GPHN: variants seen among roughly 807,000 people sequenced by gnomAD.
The protein encoded by GPHN is gephyrin.
GPHN carries 17 observed loss-of-function variants against 95.5 expected under a neutral mutation model. The observed-to-expected ratio is 0.18, with a 90% CI of 0.12 to 0.27. GPHN has a LOEUF of 0.27. Ranked by LOEUF, GPHN falls within the 10% of genes least tolerant of loss-of-function variation. GPHN has a pLI of 1.00. For missense variants in GPHN, 660 were observed against 978.1 expected (o/e 0.67, Z 4.34); for synonymous variants, 320 against 322.5 (o/e 0.99, Z 0.08).
the GPHN span, among the ~76,000 whole-genome samples, chr14:67,513,956 C>G: frequency 6.6e-6 from 1 of 152,136 alleles, no homozygotes; most frequent in Admixed American, 6.5e-5. Flanking sequence ...CTGTACCACC[C>G]CCAAGGCAGG....
At chr14:67,088,232 G>T (rs536410243) in intron 11 of GPHN, among the ~76,000 whole-genome samples, 175 of 152,004 alleles carry the variant, frequency 1.2e-3, no homozygotes, top group African/African-American at 4.0e-3. Context: ...TGTAGAAAAC[G>T]TGGAAATTTT....
At chr14:66,978,287 ACCC>A (rs2070400442) in intron 9 of GPHN, among the ~76,000 whole-genome samples, 1 of 152,062 alleles carries the variant, frequency 6.6e-6, no homozygotes, top group Non-Finnish European at 1.5e-5. Context: ...AGATCGATTG[ACCC>A]TTCCTTTCAC....
At chr14:66,962,459 C>T (rs1362502741) in intron 8 of GPHN, among the ~76,000 whole-genome samples, 2 of 151,660 alleles carry the variant, frequency 1.3e-5, no homozygotes, top group Non-Finnish European at 3.0e-5. Flanking sequence ...CCTTACCCAT[C>T]ATTTTCATTC....
intron 1 of GPHN, among the ~76,000 whole-genome samples, chr14:66,615,199 T>C (rs2062954835): frequency 6.6e-6 from 1 of 152,232 alleles, no homozygotes; most frequent in African/African-American, 2.4e-5. Flanking sequence ...TATAGTAGAA[T>C]GATTTATAAT....
At chr14:66,929,758 C>T (rs2066681023) in intron 8 of GPHN, among the ~76,000 whole-genome samples, 1 of 151,504 alleles carries the variant, frequency 6.6e-6, no homozygotes, top group Admixed American at 6.6e-5. Context: ...TTCGCCCAGG[C>T]CGGACTGCAG....
chr14:67,518,111 T>C, the GPHN span, among the ~76,000 whole-genome samples: 2 of 152,160 alleles, frequency 1.3e-5, no homozygotes, highest in Non-Finnish European at 2.9e-5. Flanking sequence ...GTGATTCAAG[T>C]ACAGGGTGAA....
At chr14:66,984,882 ACATTAGTTCT>A (rs1480235520) in intron 9 of GPHN, among the ~76,000 whole-genome samples, 1 of 151,934 alleles carries the variant, frequency 6.6e-6, no homozygotes, top group Non-Finnish European at 1.5e-5. Flanking sequence ...TTTATCCAAA[ACATTAGTTCT>A]CATTAGAGCT....
At chr14:66,657,742 C>G (rs976341854) in intron 1 of GPHN, among the ~76,000 whole-genome samples, 1 of 152,118 alleles carries the variant, frequency 6.6e-6, no homozygotes, top group African/African-American at 2.4e-5. Context: ...TTGAGACCTA[C>G]TGCTCAGAAA....
At chr14:67,318,521 C>T in the GPHN span, among the ~76,000 whole-genome samples, 5 of 152,286 alleles carry the variant, frequency 3.3e-5, no homozygotes, top group Non-Finnish European at 7.3e-5. Flanking sequence ...TATGGATATA[C>T]ACACTGAGTC....
chr14:66,647,544 G>A (rs2064822696), intron 1 of GPHN, among the ~76,000 whole-genome samples: 1 of 151,760 alleles, frequency 6.6e-6, no homozygotes, highest in Non-Finnish European at 1.5e-5. Flanking sequence ...AGATGTTACT[G>A]AGCCCTGTAT....
At chr14:67,436,011 A>G in the GPHN span, among the ~76,000 whole-genome samples, 1 of 152,230 alleles carries the variant, frequency 6.6e-6, no homozygotes, top group East Asian at 1.9e-4. Context: ...TGCTAAAGCA[A>G]TTGTGAGCTT....
intron 3 of GPHN, among the ~76,000 whole-genome samples, chr14:66,804,112 G>A (rs2060458756): frequency 6.6e-6 from 1 of 152,030 alleles, no homozygotes; most frequent in Non-Finnish European, 1.5e-5. Flanking sequence ...ATTGGCCATA[G>A]GTGACTTAAT....
intron 5 of GPHN, among the ~76,000 whole-genome samples, chr14:66,911,020 C>A (rs886525458): frequency 4.0e-5 from 6 of 151,878 alleles, no homozygotes; most frequent in African/African-American, 1.5e-4. Context: ...AGTATGATTT[C>A]ATTTGTATAT....
At chr14:67,702,098 T>A in the GPHN span, among the ~76,000 whole-genome samples, 3 of 152,116 alleles carry the variant, frequency 2.0e-5, no homozygotes, top group Non-Finnish European at 2.9e-5. Flanking sequence ...ATAACAGTCA[T>A]GAACCACTGT....
the GPHN span, among the ~76,000 whole-genome samples, chr14:67,218,068 G>A: frequency 5.1e-3 from 769 of 152,270 alleles, 2 homozygotes; most frequent in Non-Finnish European, 8.0e-3. Context: ...AGTGGCCTAG[G>A]CTTAGAGAGT....
At chr14:67,065,386 G>T (rs572439733) in intron 11 of GPHN, among the ~76,000 whole-genome samples, 1 of 152,300 alleles carries the variant, frequency 6.6e-6, no homozygotes, top group Non-Finnish European at 1.5e-5. Flanking sequence ...GTGCAATGTG[G>T]TGCTGAGAAG....
intron 3 of GPHN, among the ~76,000 whole-genome samples, chr14:66,809,019 A>G (rs2060657238): frequency 6.6e-6 from 1 of 152,204 alleles, no homozygotes; most frequent in South Asian, 2.1e-4. Context: ...TTCTATTTGC[A>G]GGAAATAAGA....
chr14:66,838,382 A>G (rs1440006043), intron 4 of GPHN, among the ~76,000 whole-genome samples: 2 of 152,160 alleles, frequency 1.3e-5, no homozygotes, highest in African/African-American at 4.8e-5. Flanking sequence ...CTCTGAAAGA[A>G]AAATCAAACA....
intron 4 of GPHN, among the ~76,000 whole-genome samples, chr14:66,825,664 AT>A (rs545571583): frequency 4.0e-5 from 6 of 149,930 alleles, no homozygotes; most frequent in African/African-American, 9.8e-5. Context: ...TTTAAGAATT[AT>A]TTTTTTTCTA....
Sources: gnomAD v4.1 joint callset for allele counts (sites outside exome capture counted in the v4.1 genomes callset) on GRCh38, gnomAD v4.1.1 for gene constraint, MANE v1.5 for transcripts, NCBI Gene and HGNC (gene_info 2026-07-23, HGNC 2026-07-21) for gene names.